The following HTRA3 variants were observed in gnomAD, a reference collection of about 807,000 sequenced individuals.
HTRA3 encodes the protein serine protease HTRA3.
In HTRA3, 41 loss-of-function variants were observed where a neutral mutation model predicts 43.2. The ratio of observed to expected loss-of-function variants is 0.95; its 90% CI spans 0.74 to 1.23. The LOEUF (loss-of-function observed/expected upper bound fraction) is 1.23, where lower values mean the gene tolerates loss of function less well. Among genes scored for constraint, HTRA3 ranks in the 50% most tolerant of loss-of-function variants. The pLI is 0.00. For synonymous variants in HTRA3, 295 were observed against 287.9 expected (o/e 1.02, Z -0.25); for missense variants, 628 against 647.1 (o/e 0.97, Z 0.32).
chr4:8,302,654 C>A, intron 7 of HTRA3, 143 bp downstream of exon 7: 1 of 742,850 alleles, frequency 1.3e-6, no homozygotes, highest in South Asian at 1.5e-5. Context: ...GACCGTTGCT[C>A]AGGCCAGTCC....
chr4:8,295,731 C>T lies in HTRA3; in HGVS notation c.1051+1530C>T. 17 of 1,357,916 alleles carry T rather than the reference C, an allele frequency of 1.3e-5. No individual in the cohort carries two copies. The highest frequency in any genetic ancestry group is 1.9e-5 in the South Asian group (1 of 53,826). The allele number at this position is 1,357,916 out of a possible 1,614,324, so 84.1% of individuals were successfully genotyped here. A position where few individuals can be genotyped will look rare whatever the true frequency, so the allele number is the denominator to read the frequency against. On this transcript the variant is annotated intron_variant, in intron 6 of 8. Coordinates refer to ENST00000307358, the MANE Select transcript of HTRA3 (RefSeq NM_053044.5). This position sits in a 1 kb window ranked among gnomAD's most constrained non-coding sequence, Gnocchi z 6.9. ...GCAGTTCATTGAGAGCAGGGGGCTTCCTCACGTTTCCCCCTCCTCCATGAC... is the reference window on the plus strand; with the variant it reads ...GCAGTTCATTGAGAGCAGGGGGCTTTCTCACGTTTCCCCCTCCTCCATGAC...
rs1713410774 is a variant in HTRA3 at position 8,295,126 on chromosome 4, C to T, written c.1051+925C>T. ...TTCCTTCCACCCATCCACCCACCCA[C>T]TCATTCACCTGTCTACCTATCCACC... On this transcript the variant is annotated intron_variant, in intron 6 of 8. Transcript: ENST00000307358. The surrounding 1 kb of genome is among the most constrained non-coding windows in gnomAD (Gnocchi z 6.9). Among the ~76,000 whole-genome samples the T allele has an allele frequency of 6.6e-6, 1 of 151,632 alleles. No homozygotes were observed. The highest frequency in any genetic ancestry group is 1.5e-5 in the Non-Finnish European group (1 of 67,868).
At position 8,295,900 on chromosome 4, in the gene HTRA3, C is replaced by G; in HGVS notation, c.1051+1699C>G. ...CAATCTGGAGCCAGGCAGAGCCTGT[C>G]TTTCCCAAAGAAGCTGAAGTCTTCT... On this transcript the variant is annotated intron_variant, in intron 6 of 8. Coordinates refer to ENST00000307358, the MANE Select transcript of HTRA3 (RefSeq NM_053044.5). The surrounding 1 kb of genome is among the most constrained non-coding windows in gnomAD (Gnocchi z 6.9). 1 of 1,233,932 alleles carries G rather than the reference C, an allele frequency of 8.1e-7. No homozygotes were observed. Among genetic ancestry groups the G allele is most frequent in the South Asian group, 4.0e-5 (1 of 24,766 alleles). 76.4% of individuals were successfully genotyped at this position (1,233,932 alleles called of 1,614,324 possible). A position where few individuals can be genotyped will look rare whatever the true frequency, so the allele number is the denominator to read the frequency against.
At chr4:8,304,391 A>AG in intron 8 of HTRA3, 112 bp downstream of exon 8, 1 of 786,662 alleles carries the variant, frequency 1.3e-6, no homozygotes, top group Non-Finnish European at 2.1e-6. Context: ...GTGACCGGGA[A>AG]GGGGCAGGTG....
chr4:8,302,832 G>T (rs960827963), intron 7 of HTRA3, among the ~76,000 whole-genome samples: 3 of 152,184 alleles, frequency 2.0e-5, no homozygotes, highest in Admixed American at 1.3e-4. Flanking sequence ...TCAAGGGGTC[G>T]GCAGGGCTGC....
rs1192667029 is a variant in HTRA3, at chr4:8,296,717, G to A, written c.1051+2516G>A. 1.3e-5 allele frequency among the ~76,000 whole-genome samples: 2 copies of A among 152,188 alleles called. No homozygotes were observed. The highest frequency in any genetic ancestry group is 6.5e-5 in the Admixed American group (1 of 15,286). On this transcript the variant is annotated intron_variant, in intron 6 of 8. Transcript: ENST00000307358. This position sits in a 1 kb window ranked among gnomAD's most constrained non-coding sequence, Gnocchi z 5.3. ...GGTGTTTGATTCATGGAGTGGGGCCGTTTGTGGGCATCTGCCCCTCTGTGG... is the reference window on the plus strand; with the variant it reads ...GGTGTTTGATTCATGGAGTGGGGCCATTTGTGGGCATCTGCCCCTCTGTGG...
intron 5 of HTRA3, 36 bp from the exon 6 acceptor site, chr4:8,294,051 C>A: frequency 2.8e-6 from 4 of 1,453,906 alleles, no homozygotes; most frequent in Admixed American, 1.9e-5. Flanking sequence ...TGCCTGGGTT[C>A]CCCCAACTGA....
chr4:8,283,304 G>A (rs887084181), intron 2 of HTRA3, among the ~76,000 whole-genome samples: 3 of 152,262 alleles, frequency 2.0e-5, no homozygotes, highest in Non-Finnish European at 2.9e-5. Flanking sequence ...CTTCACCCCC[G>A]AGCAAGGCCT....
At chr4:8,303,780 T>G (rs892342825) in intron 7 of HTRA3, among the ~76,000 whole-genome samples, 5 of 152,016 alleles carry the variant, frequency 3.3e-5, no homozygotes, top group Non-Finnish European at 7.4e-5. Context: ...GTCTGTCCGT[T>G]CCGTGACTCA....
At chr4:8,272,949 A>T (rs1363043964) in intron 1 of HTRA3, among the ~76,000 whole-genome samples, 1 of 151,796 alleles carries the variant, frequency 6.6e-6, no homozygotes, top group Non-Finnish European at 1.5e-5. Flanking sequence ...TTGGACAGCC[A>T]GCTTTCGGCA....
intron 2 of HTRA3, among the ~76,000 whole-genome samples, chr4:8,285,196 T>A (rs1213994712): frequency 6.6e-6 from 1 of 152,162 alleles, no homozygotes; most frequent in Non-Finnish European, 1.5e-5. Flanking sequence ...TCAGGACACC[T>A]GCAAAGACCC....
At chr4:8,270,609 A>G (rs1434627155) in intron 1 of HTRA3, among the ~76,000 whole-genome samples, 2 of 152,192 alleles carry the variant, frequency 1.3e-5, no homozygotes, top group African/African-American at 4.8e-5. Flanking sequence ...GGCCTCATCT[A>G]GGACTGTTTC....
intron 2 of HTRA3, among the ~76,000 whole-genome samples, chr4:8,283,977 C>T (rs1226319625): frequency 2.6e-5 from 4 of 152,216 alleles, no homozygotes; most frequent in East Asian, 1.9e-4. Context: ...CTCCCCATCC[C>T]GGGCTCTCCA....
intron 2 of HTRA3, among the ~76,000 whole-genome samples, chr4:8,285,738 T>C (rs915468619): frequency 1.3e-5 from 2 of 152,190 alleles, no homozygotes; most frequent in Non-Finnish European, 2.9e-5. Flanking sequence ...CAGACACCAA[T>C]GCAAACCCAG....
intron 3 of HTRA3, among the ~76,000 whole-genome samples, chr4:8,289,499 C>A (rs1282555140): frequency 6.6e-6 from 1 of 152,218 alleles, no homozygotes; most frequent in Non-Finnish European, 1.5e-5. Flanking sequence ...AGGTCTGTCT[C>A]CCCTTCCGGC....
chr4:8,290,434 G>T (rs560416388), intron 3 of HTRA3, among the ~76,000 whole-genome samples: 1 of 152,368 alleles, frequency 6.6e-6, no homozygotes, highest in Admixed American at 6.5e-5. Context: ...GATCTCCTAA[G>T]TTGGGGCAAT....
chr4:8,293,693 C>A (rs1297305099), intron 5 of HTRA3, among the ~76,000 whole-genome samples: 1 of 152,098 alleles, frequency 6.6e-6, no homozygotes, highest in Non-Finnish European at 1.5e-5. Context: ...CCCCCCACTT[C>A]TGGAAGGTAG....
chr4:8,303,826 G>T (rs1713742581), intron 7 of HTRA3, among the ~76,000 whole-genome samples: 3 of 136,224 alleles, frequency 2.2e-5, no homozygotes. Flanking sequence ...AGCATTGTCT[G>T]TCCATTCCAT....
chr4:8,276,976 C>T (rs966614417), intron 1 of HTRA3, among the ~76,000 whole-genome samples: 3 of 152,272 alleles, frequency 2.0e-5, no homozygotes, highest in South Asian at 2.1e-4. Flanking sequence ...CTTCGGAGCC[C>T]AGCCTGACGT....
Sources: gnomAD v4.1 joint callset for allele counts (sites outside exome capture counted in the v4.1 genomes callset) on GRCh38, gnomAD v4.1.1 for gene constraint, Gnocchi (gnomAD v3.1) non-coding constraint, MANE v1.5 for transcripts, NCBI Gene and HGNC (gene_info 2026-07-23, HGNC 2026-07-21) for gene names.